Variants in CXCL13 observed in about 807,000 individuals in gnomAD.
The protein encoded by CXCL13 is C-X-C motif chemokine 13.
CXCL13 carries 7 observed loss-of-function variants against 12.2 expected under a neutral mutation model. The ratio of observed to expected loss-of-function variants is 0.57; its 90% CI spans 0.33 to 1.07. The LOEUF is 1.07. Ranked by LOEUF, CXCL13 falls within the 50% of genes least tolerant of loss-of-function variation. The pLI is 0.04. For missense variants in CXCL13, 113 were observed against 127.4 expected (o/e 0.89, Z 0.55); for synonymous variants, 47 against 42.4 (o/e 1.11, Z -0.42).
upstream of CXCL13, among the ~76,000 whole-genome samples, chr4:77,603,724 T>A (rs576791742): frequency 6.6e-6 from 1 of 151,978 alleles, no homozygotes; most frequent in Non-Finnish European, 1.5e-5. Flanking sequence ...GATTGAAGAG[T>A]TAAATCCCTA....
intron 1 of CXCL13, among the ~76,000 whole-genome samples, chr4:77,520,247 T>C (rs1391485935): frequency 6.6e-6 from 1 of 152,196 alleles, no homozygotes; most frequent in Non-Finnish European, 1.5e-5. Flanking sequence ...TCCAATTCTG[T>C]GAAGAAAGTC....
intron 1 of CXCL13, among the ~76,000 whole-genome samples, chr4:77,581,461 G>A (rs960627957): frequency 2.0e-5 from 3 of 152,050 alleles, no homozygotes; most frequent in Non-Finnish European, 2.9e-5. Context: ...GGTATCAATG[G>A]CTCTATATTC....
chr4:77,552,884 C>T (rs1026761666), intron 1 of CXCL13, among the ~76,000 whole-genome samples: 2 of 152,212 alleles, frequency 1.3e-5, no homozygotes, highest in African/African-American at 4.8e-5. Flanking sequence ...GTGGCTGAGG[C>T]TGTTGATCCA....
intron 1 of CXCL13, among the ~76,000 whole-genome samples, chr4:77,598,829 T>C (rs907201230): frequency 2.6e-4 from 40 of 151,194 alleles, no homozygotes; most frequent in Non-Finnish European, 4.7e-4. Flanking sequence ...TTTTTTTTTT[T>C]CTTTGAGATG....
At chr4:77,528,999 C>T (rs1332394923) in intron 1 of CXCL13, among the ~76,000 whole-genome samples, 10 of 152,192 alleles carry the variant, frequency 6.6e-5, no homozygotes, top group Admixed American at 5.9e-4. Context: ...CTACATATGG[C>T]TAGCCAGTTT....
At chr4:77,513,962 C>T (rs922211442) in intron 1 of CXCL13, among the ~76,000 whole-genome samples, 26 of 152,116 alleles carry the variant, frequency 1.7e-4, no homozygotes, top group Non-Finnish European at 2.9e-5. Context: ...CCACTACCCC[C>T]ACCCCACAAC....
chr4:77,578,542 C>G (rs367607281), intron 1 of CXCL13, among the ~76,000 whole-genome samples: 3 of 152,264 alleles, frequency 2.0e-5, no homozygotes, highest in Non-Finnish European at 2.9e-5. Flanking sequence ...GGTGGAGCCA[C>G]GAGAATTTCA....
chr4:77,532,406 G>T (rs150506053), intron 1 of CXCL13, among the ~76,000 whole-genome samples: 127 of 152,294 alleles, frequency 8.3e-4, no homozygotes, highest in Middle Eastern at 3.4e-3. Flanking sequence ...AATTTCTGCC[G>T]AGAAATCAGC....
intron 1 of CXCL13, among the ~76,000 whole-genome samples, chr4:77,523,041 C>G (rs1007998777): frequency 3.3e-5 from 5 of 152,204 alleles, no homozygotes; most frequent in Non-Finnish European, 5.9e-5. Flanking sequence ...TTGGCCCCCA[C>G]TCTCTTCTGG....
intron 1 of CXCL13, among the ~76,000 whole-genome samples, chr4:77,528,615 T>G (rs1049252435): frequency 6.6e-6 from 1 of 152,240 alleles, no homozygotes; most frequent in African/African-American, 2.4e-5. Flanking sequence ...GCCCACTTTT[T>G]GATGGGCCTG....
intron 2 of CXCL13, among the ~76,000 whole-genome samples, chr4:77,608,722 C>A (rs1202986417): frequency 1.3e-5 from 2 of 152,168 alleles, no homozygotes; most frequent in Non-Finnish European, 2.9e-5. Flanking sequence ...GGTAGTTTTT[C>A]ACTAGAAAGG....
chr4:77,566,093 T>C (rs1424508156), intron 1 of CXCL13, among the ~76,000 whole-genome samples: 1 of 152,194 alleles, frequency 6.6e-6, no homozygotes, highest in Non-Finnish European at 1.5e-5. Context: ...CTCTGTATAA[T>C]TCAGTTCAAG....
chr4:77,515,587 C>G (rs1724394742), intron 1 of CXCL13, among the ~76,000 whole-genome samples: 2 of 152,136 alleles, frequency 1.3e-5, no homozygotes, highest in Non-Finnish European at 1.5e-5. Flanking sequence ...TGGGAGTTCA[C>G]TCATGATTTG....
At chr4:77,530,985 C>T (rs976781511) in intron 1 of CXCL13, among the ~76,000 whole-genome samples, 6 of 151,732 alleles carry the variant, frequency 4.0e-5, no homozygotes, top group South Asian at 2.1e-4. Context: ...TCTTTGTTCT[C>T]GTTGGTTTCA....
intron 1 of CXCL13, among the ~76,000 whole-genome samples, chr4:77,567,161 A>G (rs1725959402): frequency 6.6e-6 from 1 of 152,128 alleles, no homozygotes; most frequent in Admixed American, 6.5e-5. Flanking sequence ...CCCACCCTTG[A>G]GAATGTACTT....
chr4:77,584,940 G>T (rs1327050098), intron 1 of CXCL13, among the ~76,000 whole-genome samples: 1 of 152,156 alleles, frequency 6.6e-6, no homozygotes, highest in Non-Finnish European at 1.5e-5. Flanking sequence ...TGACAAATAT[G>T]ACTTACACTT....
At chr4:77,532,860 C>T (rs971882705) in intron 1 of CXCL13, among the ~76,000 whole-genome samples, 1 of 152,182 alleles carries the variant, frequency 6.6e-6, no homozygotes, top group African/African-American at 2.4e-5. Context: ...CTTGTGTATT[C>T]ATCATGTAGT....
At chr4:77,526,615 C>T (rs956947376) in intron 1 of CXCL13, among the ~76,000 whole-genome samples, 5 of 152,124 alleles carry the variant, frequency 3.3e-5, no homozygotes, top group African/African-American at 1.2e-4. Flanking sequence ...GCTCTTAGCC[C>T]AGGGGCCAGG....
intron 1 of CXCL13, among the ~76,000 whole-genome samples, chr4:77,535,909 G>C (rs1725047396): frequency 2.0e-5 from 3 of 152,120 alleles, no homozygotes; most frequent in Admixed American, 1.3e-4. Flanking sequence ...CTGAATTCCT[G>C]TCCCACAAAA....
Sources: allele counts gnomAD v4.1 joint callset (sites outside exome capture counted in the v4.1 genomes callset), GRCh38; gene constraint gnomAD v4.1.1; transcripts MANE v1.5; gene names NCBI Gene and HGNC (gene_info 2026-07-23, HGNC 2026-07-21).